The following AOPEP variants were observed in gnomAD, a reference collection of about 807,000 sequenced individuals.
AOPEP encodes the protein aminopeptidase O.
Under a neutral mutation model 98.1 loss-of-function variants are expected in AOPEP, and 77 were observed. That is an observed-to-expected ratio of 0.78 (90% CI 0.65 to 0.95). AOPEP has a LOEUF of 0.95. Among genes scored for constraint, AOPEP ranks in the 40% least tolerant of loss-of-function variants. AOPEP has a pLI of 0.00. For missense variants in AOPEP, 1,024 were observed against 1,024.7 expected (o/e 1.00, Z 0.01); for synonymous variants, 346 against 365.3 (o/e 0.95, Z 0.60).
chr9:94,780,191 A>G (rs768557198), intron 3 of AOPEP, among the ~76,000 whole-genome samples: 10 of 152,220 alleles, frequency 6.6e-5, no homozygotes, highest in African/African-American at 1.9e-4. Flanking sequence ...TGCAAAGCCT[A>G]AAATATTTGT....
At chr9:95,084,084 T>G (rs1175642739) in intron 16 of AOPEP, among the ~76,000 whole-genome samples, 2 of 152,214 alleles carry the variant, frequency 1.3e-5, no homozygotes, top group East Asian at 3.8e-4. Flanking sequence ...TTATATGATA[T>G]TAATAGGGGA....
At chr9:94,758,003 A>G (rs1295083166) in intron 1 of AOPEP, among the ~76,000 whole-genome samples, 1 of 152,256 alleles carries the variant, frequency 6.6e-6, no homozygotes, top group Non-Finnish European at 1.5e-5. Flanking sequence ...CAGCTTCTCC[A>G]TAAAGTAAAT....
At chr9:95,077,910 G>A (rs2069259858) in intron 14 of AOPEP, among the ~76,000 whole-genome samples, 1 of 152,102 alleles carries the variant, frequency 6.6e-6, no homozygotes, top group Non-Finnish European at 1.5e-5. Flanking sequence ...GACTGCGCGT[G>A]AGCAGGAACT....
intron 9 of AOPEP, among the ~76,000 whole-genome samples, chr9:94,963,776 CT>C (rs1260475838): frequency 6.6e-6 from 1 of 152,140 alleles, no homozygotes; most frequent in East Asian, 1.9e-4. Flanking sequence ...TTTCACAAAA[CT>C]GCCAATACAC....
chr9:94,936,438 G>A (rs948847711), intron 7 of AOPEP, among the ~76,000 whole-genome samples: 1 of 152,166 alleles, frequency 6.6e-6, no homozygotes, highest in African/African-American at 2.4e-5. Context: ...CTGGAGGCCA[G>A]GAGTCCCAGA....
chr9:94,961,013 CAAA>C (rs71496990), intron 9 of AOPEP, among the ~76,000 whole-genome samples: 2 of 118,722 alleles, frequency 1.7e-5, no homozygotes, highest in Non-Finnish European at 3.5e-5. Context: ...GAATCTGTCT[CAAA>C]AAAAAAAAAA....
chr9:95,041,446 G>GTGTGTGTGTGTGTGTGTGTGTGTGT (rs200579150), intron 13 of AOPEP, among the ~76,000 whole-genome samples: 4 of 142,012 alleles, frequency 2.8e-5, no homozygotes, highest in African/African-American at 1.1e-4. Context: ...AGTCCTTGGG[G>GTGTGTGTGTGTGTGTGTGTGTGTGT]GTGTGTGTGT....
chr9:95,116,604 G>A, the AOPEP span, among the ~76,000 whole-genome samples: 1 of 152,124 alleles, frequency 6.6e-6, no homozygotes, highest in Non-Finnish European at 1.5e-5. Flanking sequence ...TTTCTGGCTG[G>A]CGCAGTCTGT....
At chr9:94,735,909 C>A (rs996985669) in intron 1 of AOPEP, among the ~76,000 whole-genome samples, 9 of 152,184 alleles carry the variant, frequency 5.9e-5, no homozygotes, top group South Asian at 2.1e-4. Context: ...TAAATGTAAT[C>A]ATAGAATATG....
the AOPEP span, chr9:95,110,205 C>T: frequency 2.0e-6 from 2 of 979,244 alleles, no homozygotes; most frequent in Non-Finnish European, 2.4e-6. Flanking sequence ...GAAGATGTGC[C>T]AATGTAGAAC....
intron 11 of AOPEP, among the ~76,000 whole-genome samples, chr9:94,981,437 G>C (rs2060178119): frequency 6.6e-6 from 1 of 152,112 alleles, no homozygotes; most frequent in Non-Finnish European, 1.5e-5. Flanking sequence ...GTATTTCCTT[G>C]GGTGCTTCAC....
chr9:95,103,890 G>A, the AOPEP span, among the ~76,000 whole-genome samples: 2 of 152,228 alleles, frequency 1.3e-5, no homozygotes, highest in African/African-American at 4.8e-5. Context: ...GAGGGTGCAA[G>A]GGCTCTGAAG....
chr9:94,745,085 A>G lies in AOPEP; in HGVS notation c.-135-14564A>G, dbSNP rs958144997. Among the ~76,000 whole-genome samples the G allele has an allele frequency of 1.4e-4, 22 of 152,220 alleles. 1 individual carries two copies. In the South Asian group the frequency reaches 2.5e-3, roughly 17 times the overall value. Reference sequence around the variant, plus strand: ...ATTTCCTTGTGTTACGAATATTCCAATCATACTCTCAGTTATTCTAAAATG... The same window carrying G: ...ATTTCCTTGTGTTACGAATATTCCAGTCATACTCTCAGTTATTCTAAAATG... On this transcript the variant is annotated intron_variant, in intron 1 of 16. Transcript: ENST00000375315.
At chr9:94,767,794 CT>C (rs1336631313) in intron 2 of AOPEP, among the ~76,000 whole-genome samples, 4 of 152,192 alleles carry the variant, frequency 2.6e-5, no homozygotes, top group Non-Finnish European at 5.9e-5. Context: ...TAAAATCTAT[CT>C]TTCTGAGTCA....
intron 13 of AOPEP, among the ~76,000 whole-genome samples, chr9:95,043,249 G>GATAT (rs200156115): frequency 3.9e-4 from 11 of 28,546 alleles, no homozygotes; most frequent in South Asian, 1.6e-3. Flanking sequence ...GATATATACA[G>GATAT]ATATATATAT....
chr9:95,129,878 G>C, the AOPEP span, among the ~76,000 whole-genome samples: 1 of 152,278 alleles, frequency 6.6e-6, no homozygotes, highest in East Asian at 1.9e-4. Context: ...CGATTGTTCT[G>C]CTGGGTGTGC....
chr9:94,849,067 C>G (rs2043208250), intron 5 of AOPEP, among the ~76,000 whole-genome samples: 1 of 152,198 alleles, frequency 6.6e-6, no homozygotes, highest in Admixed American at 6.5e-5. Flanking sequence ...GCGTGAGCCA[C>G]CACACCCGGC....
chr9:94,921,085 AG>A (rs2136739287), intron 5 of AOPEP: 1 of 151,632 alleles, frequency 6.6e-6, no homozygotes, highest in Non-Finnish European at 1.5e-5. Flanking sequence ...AAAAAAAAAA[AG>A]ACAAGAAAGA....
chr9:95,044,718 T>C (rs375661095), intron 13 of AOPEP, among the ~76,000 whole-genome samples: 9 of 152,170 alleles, frequency 5.9e-5, no homozygotes, highest in African/African-American at 1.9e-4. Context: ...CCTGCACACA[T>C]AGGGCATACA....
Sources: allele counts gnomAD v4.1 joint callset (sites outside exome capture counted in the v4.1 genomes callset), GRCh38; gene constraint gnomAD v4.1.1; transcripts MANE v1.5; gene names NCBI Gene and HGNC (gene_info 2026-07-23, HGNC 2026-07-21).